Variants in DNAH9 observed in about 807,000 individuals in gnomAD.
DNAH9 encodes the protein dynein axonemal heavy chain 9.
A neutral mutation model predicts 471.6 loss-of-function variants in DNAH9; 345 were observed. The observed-to-expected ratio is 0.73, with a 90% CI of 0.67 to 0.80. The LOEUF (loss-of-function observed/expected upper bound fraction) is 0.80. DNAH9 is among the 30% of genes least tolerant of loss of function. The pLI, the probability that DNAH9 is intolerant of heterozygous loss-of-function variation, is 0.00. For synonymous variants in DNAH9, 2,093 were observed against 2,123.6 expected, an observed-to-expected ratio of 0.99 and a Z score of 0.40; for missense variants, 5,407 against 5,609.2, an observed-to-expected ratio of 0.96 and a Z score of 1.15.
intron 68 of DNAH9, among the ~76,000 whole-genome samples, chr17:11,969,085 T>C (rs1471731194): frequency 2.0e-5 from 3 of 152,230 alleles, no homozygotes; most frequent in African/African-American, 7.2e-5. Context: ...TTTGGAACTC[T>C]GCTTCACCTG....
chr17:11,768,070 A>G (rs968216068), intron 36 of DNAH9, among the ~76,000 whole-genome samples: 3 of 152,094 alleles, frequency 2.0e-5, no homozygotes, highest in Non-Finnish European at 2.9e-5. Context: ...TTAGGCTGCC[A>G]TCCTGGGAAC....
At chr17:11,770,935 C>G (rs1161041347) in intron 38 of DNAH9, among the ~76,000 whole-genome samples, 1 of 152,232 alleles carries the variant, frequency 6.6e-6, no homozygotes, top group East Asian at 1.9e-4. Flanking sequence ...AATGCAATGT[C>G]AGTGAACAAG....
At chr17:11,859,091 A>AAC (rs1173679966) in intron 50 of DNAH9, among the ~76,000 whole-genome samples, 1 of 150,420 alleles carries the variant, frequency 6.6e-6, no homozygotes, top group African/African-American at 2.4e-5. Flanking sequence ...TCTCAAAAAA[A>AAC]AAAAAAAAAA....
intron 24 of DNAH9, among the ~76,000 whole-genome samples, chr17:11,701,882 A>G (rs1250525774): frequency 6.6e-6 from 1 of 152,086 alleles, no homozygotes; most frequent in Non-Finnish European, 1.5e-5. Flanking sequence ...GGGTTTCACC[A>G]TGCTGGCCAG....
At chr17:11,668,341 C>T (rs1214979774) in intron 15 of DNAH9, among the ~76,000 whole-genome samples, 1 of 152,132 alleles carries the variant, frequency 6.6e-6, no homozygotes, top group Non-Finnish European at 1.5e-5. Flanking sequence ...AGGAAGAAAT[C>T]AGCTGCTTCC....
At chr17:11,921,176 G>C (rs1163950883) in intron 61 of DNAH9, among the ~76,000 whole-genome samples, 1 of 151,936 alleles carries the variant, frequency 6.6e-6, no homozygotes, top group Non-Finnish European at 1.5e-5. Context: ...CTGGGAGGTG[G>C]AGGTTGCAGT....
At chr17:11,617,065 G>A (rs2072761333) in intron 4 of DNAH9, among the ~76,000 whole-genome samples, 1 of 152,148 alleles carries the variant, frequency 6.6e-6, no homozygotes, top group African/African-American at 2.4e-5. Context: ...GTCTCGGCCA[G>A]CATTTGAAGG....
At position 11,768,631 on chromosome 17, in the gene DNAH9, G is replaced by A; in HGVS notation, c.7344+5G>A. 1 of 1,613,376 alleles carries A rather than the reference G, an allele frequency of 6.2e-7. No individual in the cohort carries two copies. Among genetic ancestry groups the A allele is most frequent in the Non-Finnish European group, 8.5e-7 (1 of 1,179,466 alleles). ...GACCCCGAGATGCCCTTGCAGGTGA[G>A]TGCAGCTGAGCAGCCGAGGACGTGC... is the stretch of plus-strand genomic sequence containing the variant. On this transcript the variant is annotated splice_donor_5th_base_variant and intron_variant, in intron 37 of 68. Coordinates refer to ENST00000262442, the MANE Select transcript of DNAH9 (RefSeq NM_001372.4).
chr17:11,665,866 C>G (rs1437462837), intron 15 of DNAH9, among the ~76,000 whole-genome samples: 1 of 152,184 alleles, frequency 6.6e-6, no homozygotes, highest in Non-Finnish European at 1.5e-5. Context: ...GTCCAGATAT[C>G]CAGCCCATAA....
chr17:11,708,187 G>A (rs1473785196), intron 26 of DNAH9, among the ~76,000 whole-genome samples: 3 of 152,098 alleles, frequency 2.0e-5, no homozygotes, highest in Admixed American at 6.5e-5. Context: ...TTTGTCTATC[G>A]TGTTTGCTGT....
intron 59 of DNAH9, among the ~76,000 whole-genome samples, chr17:11,897,128 T>C (rs1973247044): frequency 6.6e-6 from 1 of 152,238 alleles, no homozygotes; most frequent in East Asian, 1.9e-4. Flanking sequence ...ATATTTTCTT[T>C]AAGCCAATAC....
At chr17:11,714,628 G>A (rs2150794247) in intron 26 of DNAH9, among the ~76,000 whole-genome samples, 1 of 152,206 alleles carries the variant, frequency 6.6e-6, no homozygotes, top group South Asian at 2.1e-4. Flanking sequence ...GTTGTGTATT[G>A]TTATATGGCA....
intron 27 of DNAH9, among the ~76,000 whole-genome samples, chr17:11,726,614 T>C (rs2075157268): frequency 6.6e-6 from 1 of 152,326 alleles, no homozygotes; most frequent in East Asian, 1.9e-4. Context: ...GTGGTCTATA[T>C]TATTCAATGG....
chr17:11,952,271 C>G (rs1597868885), intron 67 of DNAH9, among the ~76,000 whole-genome samples: 1 of 136,558 alleles, frequency 7.3e-6, no homozygotes, highest in Non-Finnish European at 1.5e-5. Context: ...ATCCAAGTAG[C>G]TGGGATTACA....
Position 11,875,141 on chromosome 17 carries a change from A to G in DNAH9, c.10435A>G (p.Lys3479Glu), listed in dbSNP as rs1972425925. 1 of 1,614,054 alleles carries G rather than the reference A, an allele frequency of 6.2e-7. No homozygotes were observed. The highest frequency in any genetic ancestry group is 8.5e-7 in the Non-Finnish European group (1 of 1,180,030). The change falls in exon 53 of 69, where the codon AAA becomes GAA. Residue 3479 changes from lysine to glutamate, a missense_variant. By Grantham distance (56) the Lys-to-Glu change is moderately conservative. Coordinates refer to ENST00000262442, the MANE Select transcript of DNAH9 (RefSeq NM_001372.4). The part of the protein sequence containing the change: ...QLQGIKWIKN[K>E]YGEDLRVTQI... Reference sequence around the variant, plus strand: ...ACAAGGCATCAAATGGATCAAGAATAAATATGGTGAAGATCTCCGGGTCAC... The same window carrying G: ...ACAAGGCATCAAATGGATCAAGAATGAATATGGTGAAGATCTCCGGGTCAC...
At chr17:11,931,699 G>A (rs752853233) in intron 63 of DNAH9, among the ~76,000 whole-genome samples, 5 of 152,162 alleles carry the variant, frequency 3.3e-5, no homozygotes, top group East Asian at 3.9e-4. Context: ...CCCACACCCC[G>A]GTACATAACA....
At chr17:11,738,505 C>T (rs528134818) in intron 28 of DNAH9, among the ~76,000 whole-genome samples, 5 of 152,254 alleles carry the variant, frequency 3.3e-5, no homozygotes, top group African/African-American at 1.2e-4. Context: ...CTCAGCCTCC[C>T]GAGTAACTGG....
At chr17:11,826,611 A>G (rs1172114447) in intron 48 of DNAH9, among the ~76,000 whole-genome samples, 1 of 150,122 alleles carries the variant, frequency 6.7e-6, no homozygotes, top group Non-Finnish European at 1.5e-5. Flanking sequence ...GGTGCCTGCC[A>G]CCATGCCCGG....
chr17:11,672,669 G>A (rs1273783268), intron 17 of DNAH9, among the ~76,000 whole-genome samples: 2 of 151,962 alleles, frequency 1.3e-5, no homozygotes, highest in African/African-American at 4.8e-5. Flanking sequence ...ATAGTCACCC[G>A]CCATGACCCA....
Sources: allele counts gnomAD v4.1 joint callset (sites outside exome capture counted in the v4.1 genomes callset), GRCh38; gene constraint gnomAD v4.1.1; transcripts MANE v1.5; gene names NCBI Gene and HGNC (gene_info 2026-07-23, HGNC 2026-07-21).